SIPA1L1: variants seen among roughly 807,000 people sequenced by gnomAD.
The protein encoded by SIPA1L1 is signal-induced proliferation-associated 1-like protein 1.
SIPA1L1 carries 26 observed loss-of-function variants against 162.7 expected under a neutral mutation model. The observed-to-expected ratio is 0.16, with a 90% confidence interval of 0.12 to 0.22. SIPA1L1 has a LOEUF of 0.22. SIPA1L1 is among the 10% of genes least tolerant of loss of function. The probability of loss-of-function intolerance (pLI) is 1.00; values close to 1 mark genes in which losing one functional copy is unlikely to be tolerated. For synonymous variants in SIPA1L1, 829 were observed against 837.4 expected (o/e 0.99, Z 0.17); for missense variants, 1,874 against 2,241.0 (o/e 0.84, Z 3.31).
chr14:71,542,759 T>C (rs1199484819), intron 4 of SIPA1L1, among the ~76,000 whole-genome samples: 2 of 148,914 alleles, frequency 1.3e-5, no homozygotes, highest in African/African-American at 4.9e-5. Flanking sequence ...CTTTTTTTTT[T>C]TTTTTACGAG....
At chr14:71,567,928 A>G (rs2031073009) in intron 4 of SIPA1L1, among the ~76,000 whole-genome samples, 1 of 152,226 alleles carries the variant, frequency 6.6e-6, no homozygotes, top group African/African-American at 2.4e-5. Context: ...TTGCCATGGC[A>G]TTTGTAAACT....
chr14:71,739,725 C>G lies in SIPA1L1; in HGVS notation c.*564C>G, dbSNP rs969981560. 6.6e-6 allele frequency: 1 copy of G among 152,212 alleles called. No individual in the cohort carries two copies. The highest frequency in any genetic ancestry group is 2.4e-5 in the African/African-American group (1 of 41,432). The allele number at this position is 152,212 out of a possible 1,614,324, so 9.4% of individuals were successfully genotyped here. On this transcript the variant is annotated 3_prime_UTR_variant, in exon 24 of 24. Transcript: ENST00000381232. ...CGTGCATGAGCTAGTGCTGTCTGTACCTGTCCTCCAGAGATCAGCAGGACC... is the reference window on the plus strand; with the variant it reads ...CGTGCATGAGCTAGTGCTGTCTGTAGCTGTCCTCCAGAGATCAGCAGGACC...
chr14:71,699,225 G>A (rs1365982852), intron 14 of SIPA1L1, 98 bp downstream of exon 14: 3 of 1,178,918 alleles, frequency 2.5e-6, no homozygotes, highest in Non-Finnish European at 3.7e-6. Context: ...AGCCAGCCTT[G>A]ATCAATTTGT....
intron 3 of SIPA1L1, among the ~76,000 whole-genome samples, chr14:71,521,295 A>G (rs2052330027): frequency 6.6e-6 from 1 of 152,196 alleles, no homozygotes; most frequent in Non-Finnish European, 1.5e-5. Flanking sequence ...AGACCCAAAG[A>G]AGCAGGGACA....
At chr14:71,580,450 G>A (rs779384068) in intron 4 of SIPA1L1, among the ~76,000 whole-genome samples, 10 of 152,212 alleles carry the variant, frequency 6.6e-5, no homozygotes, top group African/African-American at 2.4e-4. Flanking sequence ...GGTGAAGGCT[G>A]CTGGGCACAA....
intron 4 of SIPA1L1, among the ~76,000 whole-genome samples, chr14:71,582,308 C>A (rs1175814428): frequency 1.3e-5 from 2 of 152,114 alleles, no homozygotes; most frequent in East Asian, 3.9e-4. Context: ...AAACACCAGC[C>A]TGGGTGACAG....
At chr14:71,363,178 G>C (rs2037972181) in intron 2 of SIPA1L1, among the ~76,000 whole-genome samples, 1 of 152,056 alleles carries the variant, frequency 6.6e-6, no homozygotes, top group Non-Finnish European at 1.5e-5. Flanking sequence ...TTTTCTGTTT[G>C]CTTAAAGCTT....
intron 2 of SIPA1L1, chr14:71,321,838 G>C (rs2140126952): frequency 6.6e-6 from 1 of 152,324 alleles, no homozygotes. Flanking sequence ...AGGTGGACCA[G>C]TAATCGTGTT....
chr14:71,567,099 A>G (rs2030791351), intron 4 of SIPA1L1, among the ~76,000 whole-genome samples: 1 of 152,218 alleles, frequency 6.6e-6, no homozygotes, highest in African/African-American at 2.4e-5. Flanking sequence ...TTATATTCTT[A>G]TATTAGTCAT....
At chr14:71,607,168 G>A (rs1036119847) in intron 5 of SIPA1L1, among the ~76,000 whole-genome samples, 15 of 151,734 alleles carry the variant, frequency 9.9e-5, no homozygotes, top group East Asian at 1.9e-4. Context: ...GAGTTCCAGG[G>A]GGAGGTGACA....
At chr14:71,638,933 C>T (rs542439182) in intron 7 of SIPA1L1, among the ~76,000 whole-genome samples, 1 of 152,244 alleles carries the variant, frequency 6.6e-6, no homozygotes, top group South Asian at 2.1e-4. Flanking sequence ...ACATGATAGC[C>T]TGTGCCTATA....
chr14:71,697,859 A>T (rs973500136), intron 13 of SIPA1L1, among the ~76,000 whole-genome samples: 1 of 152,114 alleles, frequency 6.6e-6, no homozygotes, highest in Non-Finnish European at 1.5e-5. Context: ...CAAAACTTTG[A>T]CTTGTCTTAA....
chr14:71,486,904 C>T (rs564925942), intron 2 of SIPA1L1, among the ~76,000 whole-genome samples: 4 of 152,158 alleles, frequency 2.6e-5, no homozygotes, highest in Non-Finnish European at 5.9e-5. Context: ...TCTAAAGGCG[C>T]ATGTTTTAGA....
intron 2 of SIPA1L1, among the ~76,000 whole-genome samples, chr14:71,387,941 G>A (rs974134991): frequency 6.6e-6 from 1 of 152,122 alleles, no homozygotes; most frequent in African/African-American, 2.4e-5. Flanking sequence ...TTAATTTCTA[G>A]AGTATCAGTA....
chr14:71,525,909 G>A (rs2052821060), intron 3 of SIPA1L1, among the ~76,000 whole-genome samples: 1 of 152,180 alleles, frequency 6.6e-6, no homozygotes, highest in Admixed American at 6.5e-5. Flanking sequence ...TCACCCATCT[G>A]TTACTTTCCT....
chr14:71,611,306 G>A (rs1596405164), intron 5 of SIPA1L1, among the ~76,000 whole-genome samples: 1 of 152,042 alleles, frequency 6.6e-6, no homozygotes, highest in Non-Finnish European at 1.5e-5. Flanking sequence ...TTAGTCATTA[G>A]TCAGATTAAG....
At chr14:71,694,891 C>G (rs954034404) in intron 13 of SIPA1L1, among the ~76,000 whole-genome samples, 1 of 152,128 alleles carries the variant, frequency 6.6e-6, no homozygotes, top group African/African-American at 2.4e-5. Context: ...AAACAGAGTA[C>G]GCTTGTAAGG....
chr14:71,727,254 G>C (rs1156625176), intron 19 of SIPA1L1, among the ~76,000 whole-genome samples: 1 of 152,110 alleles, frequency 6.6e-6, no homozygotes, highest in South Asian at 2.1e-4. Flanking sequence ...CCAGTATTTA[G>C]GAAGAGTTTC....
intron 4 of SIPA1L1, among the ~76,000 whole-genome samples, chr14:71,571,808 ATT>A (rs529764911): frequency 1.3e-4 from 17 of 127,956 alleles, no homozygotes; most frequent in Admixed American, 2.4e-4. Context: ...TGCCTGGCTC[ATT>A]TTTTTTTTTT....
Sources: gnomAD v4.1 joint callset for allele counts (sites outside exome capture counted in the v4.1 genomes callset) on GRCh38, gnomAD v4.1.1 for gene constraint, MANE v1.5 for transcripts, NCBI Gene and HGNC (gene_info 2026-07-23, HGNC 2026-07-21) for gene names.